Variants in CCSER1 observed in about 807,000 individuals in gnomAD.
CCSER1 encodes serine-rich coiled-coil domain-containing protein 1.
A neutral mutation model predicts 82.0 loss-of-function variants in CCSER1; 41 were observed. The observed-to-expected ratio is 0.50, with a 90% CI of 0.39 to 0.65. CCSER1 has a LOEUF of 0.65. CCSER1 is among the 30% of genes least tolerant of loss of function. The pLI is 0.00. For missense variants in CCSER1, 1,119 were observed against 1,064.2 expected (o/e 1.05, Z -0.72); for synonymous variants, 414 against 383.9 (o/e 1.08, Z -0.92).
chr4:91,061,141 A>G lies in CCSER1; in HGVS notation c.2173-24809A>G, dbSNP rs147513126. Among the ~76,000 whole-genome samples, 207 of 152,198 alleles carry G rather than the reference A, an allele frequency of 1.4e-3. 3 individuals are homozygous for G. The highest frequency in any genetic ancestry group is 4.7e-3 in the African/African-American group (195 of 41,556). On this transcript the variant is annotated intron_variant, in intron 9 of 10. Coordinates refer to ENST00000509176, the MANE Select transcript of CCSER1 (RefSeq NM_001145065.2). The stretch of plus-strand genomic sequence containing the variant: ...AATGTATTGCACTTTATAGGTTGCT[A>G]TACAATGACAAACATCTCATTAGTA...
chr4:91,186,383 G>A (rs1010203399), intron 10 of CCSER1, among the ~76,000 whole-genome samples: 4 of 152,118 alleles, frequency 2.6e-5, no homozygotes, highest in African/African-American at 7.2e-5. Context: ...TGATGCTTCC[G>A]AGCTCCCCTT....
chr4:90,422,021 A>G (rs916887553), intron 4 of CCSER1, among the ~76,000 whole-genome samples: 1 of 152,172 alleles, frequency 6.6e-6, no homozygotes, highest in African/African-American at 2.4e-5. Flanking sequence ...TAAAGGCATA[A>G]TCAATCCAGA....
chr4:90,357,416 G>A (rs1041536648), intron 3 of CCSER1, among the ~76,000 whole-genome samples: 1 of 151,978 alleles, frequency 6.6e-6, no homozygotes. Context: ...ATTAAACCAT[G>A]AATTATGAGA....
At chr4:91,253,672 A>C (rs1740443349) in intron 10 of CCSER1, among the ~76,000 whole-genome samples, 1 of 152,210 alleles carries the variant, frequency 6.6e-6, no homozygotes, top group Non-Finnish European at 1.5e-5. Flanking sequence ...ATAAGCATTT[A>C]TGCACATAGT....
intron 3 of CCSER1, among the ~76,000 whole-genome samples, chr4:90,364,079 G>C (rs906504476): frequency 3.9e-5 from 6 of 151,934 alleles, no homozygotes; most frequent in African/African-American, 1.5e-4. Context: ...GGTTTACCAA[G>C]TCTTTCTTCT....
intron 8 of CCSER1, among the ~76,000 whole-genome samples, chr4:90,818,176 A>T (rs1434032261): frequency 6.6e-6 from 1 of 152,008 alleles, no homozygotes; most frequent in East Asian, 1.9e-4. Context: ...TTTTTTGATT[A>T]TTTATATTTT....
intron 9 of CCSER1, among the ~76,000 whole-genome samples, chr4:91,033,886 A>C (rs556506890): frequency 6.6e-6 from 1 of 152,174 alleles, no homozygotes; most frequent in Non-Finnish European, 1.5e-5. Flanking sequence ...TGACCAATTC[A>C]AGCTGCACAG....
chr4:90,904,647 G>T (rs112583179), intron 8 of CCSER1, among the ~76,000 whole-genome samples: 36 of 152,186 alleles, frequency 2.4e-4, no homozygotes, highest in African/African-American at 8.7e-4. Flanking sequence ...AAGTATGTAT[G>T]TGTGACGGGA....
At chr4:91,031,870 A>C (rs966376049) in intron 9 of CCSER1, among the ~76,000 whole-genome samples, 3 of 152,086 alleles carry the variant, frequency 2.0e-5, no homozygotes, top group South Asian at 2.1e-4. Context: ...CTGCTGTAAA[A>C]ATTTATCTTT....
intron 5 of CCSER1, among the ~76,000 whole-genome samples, chr4:90,580,430 G>C (rs568824107): frequency 6.6e-6 from 1 of 152,252 alleles, no homozygotes; most frequent in African/African-American, 2.4e-5. Flanking sequence ...TGCAGCGTCT[G>C]TGTGACTGAC....
At chr4:90,366,417 G>A (rs980435637) in intron 3 of CCSER1, among the ~76,000 whole-genome samples, 3 of 151,712 alleles carry the variant, frequency 2.0e-5, no homozygotes, top group African/African-American at 7.3e-5. Flanking sequence ...GGGGTACAAA[G>A]TGATGTTATA....
At chr4:90,816,817 T>G (rs1010957825) in intron 8 of CCSER1, among the ~76,000 whole-genome samples, 1 of 152,124 alleles carries the variant, frequency 6.6e-6, no homozygotes, top group African/African-American at 2.4e-5. Context: ...TTCTGAGGAC[T>G]CCTAACATAT....
intron 1 of CCSER1, among the ~76,000 whole-genome samples, chr4:90,207,682 G>C (rs1739145448): frequency 6.6e-6 from 1 of 152,014 alleles, no homozygotes. Flanking sequence ...GGGTTTTTGT[G>C]GGGACGTCCT....
In CCSER1 at chr4:90,339,168, C is replaced by T. The variant is rs371277917; in HGVS notation, c.1509+26121C>T. Among the ~76,000 whole-genome samples the T allele has an allele frequency of 3.0e-4, 46 of 152,330 alleles. 1 individual carries two copies. Among genetic ancestry groups the T allele is most frequent in the African/African-American group, 1.1e-3 (46 of 41,582 alleles). ...TTTCCCCGTTACTCATGCCAAAAAACTTGAACTTCTTCCTGCCTGTGTTCC... is the reference window on the plus strand; with the variant it reads ...TTTCCCCGTTACTCATGCCAAAAAATTTGAACTTCTTCCTGCCTGTGTTCC... On this transcript the variant is annotated intron_variant, in intron 3 of 10. Transcript: ENST00000509176.
At chr4:91,194,395 T>C (rs1025559021) in intron 10 of CCSER1, among the ~76,000 whole-genome samples, 3 of 152,226 alleles carry the variant, frequency 2.0e-5, no homozygotes, top group African/African-American at 4.8e-5. Context: ...AATATAATTC[T>C]AGTTCAAAGG....
At chr4:90,864,226 C>G (rs1765459933) in intron 8 of CCSER1, among the ~76,000 whole-genome samples, 1 of 151,744 alleles carries the variant, frequency 6.6e-6, no homozygotes, top group Non-Finnish European at 1.5e-5. Flanking sequence ...TTCTACATGC[C>G]TCTGTGATAA....
At chr4:91,130,830 A>G (rs1727926337) in intron 10 of CCSER1, among the ~76,000 whole-genome samples, 1 of 151,846 alleles carries the variant, frequency 6.6e-6, no homozygotes, top group Non-Finnish European at 1.5e-5. Flanking sequence ...CAAGATCTGT[A>G]CATAAGACAA....
chr4:91,498,929 A>G (rs1302873718), intron 10 of CCSER1, among the ~76,000 whole-genome samples: 1 of 151,932 alleles, frequency 6.6e-6, no homozygotes, highest in African/African-American at 2.4e-5. Context: ...TATCCATTGT[A>G]CATATCCAGC....
intron 1 of CCSER1, among the ~76,000 whole-genome samples, chr4:90,281,919 G>A (rs545558387): frequency 2.4e-4 from 36 of 152,140 alleles, no homozygotes; most frequent in Admixed American, 8.5e-4. Context: ...ACCCGTGATT[G>A]ACTTGCCTAT....
Sources: gnomAD v4.1 joint callset for allele counts (sites outside exome capture counted in the v4.1 genomes callset) on GRCh38, gnomAD v4.1.1 for gene constraint, MANE v1.5 for transcripts, NCBI Gene and HGNC (gene_info 2026-07-23, HGNC 2026-07-21) for gene names.